Variants in PDZD2 observed in about 807,000 individuals in gnomAD.
The protein encoded by PDZD2 is PDZ domain containing 2, also known as PDZ domain-containing protein 2.
In PDZD2, 90 loss-of-function variants were observed where a neutral mutation model predicts 220.7. The ratio of observed to expected loss-of-function variants is 0.41; its 90% confidence interval spans 0.34 to 0.49. The LOEUF is 0.49. Ranked by LOEUF, PDZD2 falls within the 20% of genes least tolerant of loss-of-function variation. PDZD2 has a pLI of 0.28. For missense variants in PDZD2, 3,174 were observed against 3,608.5 expected (o/e 0.88, Z 3.08); for synonymous variants, 1,375 against 1,450.5 (o/e 0.95, Z 1.18).
At chr5:31,876,810 C>T (rs763409572) in intron 2 of PDZD2, among the ~76,000 whole-genome samples, 4 of 152,110 alleles carry the variant, frequency 2.6e-5, no homozygotes, top group African/African-American at 4.8e-5. Flanking sequence ...ATGTGCCAAG[C>T]GACATAAAGA....
chr5:31,867,567 T>C (rs1474370734), intron 2 of PDZD2, among the ~76,000 whole-genome samples: 1 of 152,208 alleles, frequency 6.6e-6, no homozygotes, highest in South Asian at 2.1e-4. Flanking sequence ...CACGGGTCTA[T>C]ATTTAGTTCA....
At chr5:32,095,962 C>T (rs1042573212) in intron 21 of PDZD2, among the ~76,000 whole-genome samples, 6 of 148,370 alleles carry the variant, frequency 4.0e-5, no homozygotes, top group Non-Finnish European at 8.9e-5. Context: ...CCAGGATGGG[C>T]TCCATCTCCT....
intron 2 of PDZD2, among the ~76,000 whole-genome samples, chr5:31,935,416 G>GA (rs1483185516): frequency 1.5e-4 from 23 of 152,220 alleles, no homozygotes; most frequent in Admixed American, 1.5e-3. Flanking sequence ...TAAAACCTTA[G>GA]AAAAATCATA....
chr5:31,796,292 T>C (rs776277539), intron 1 of PDZD2, among the ~76,000 whole-genome samples: 8 of 152,198 alleles, frequency 5.3e-5, no homozygotes, highest in Non-Finnish European at 8.8e-5. Context: ...TCTTTCTGGT[T>C]AGGGCGAGGG....
In PDZD2 at chr5:32,077,556, C is replaced by A. The variant is rs896057668; in HGVS notation, c.3632C>A (p.Thr1211Lys). ...ALSHLDASHL[T>K]ENLPKAASEL... is the part of the protein sequence containing the mutation. ...TCCCATCTGGATGCCAGCCACCTCA[C>A]AGAGAACCTGCCCAAAGCTGCATCA... Residue 1211 changes from threonine (T) to lysine (K), a missense_variant, in exon 19 of 25, where the codon ACA (threonine) becomes AAA (lysine). Thr to Lys is a moderately conservative substitution (Grantham distance 78). This residue lies in a region of PDZD2 where 1,861 missense variants were observed against 2,001.0 expected (regional missense o/e 0.93). Transcript: ENST00000438447. 1.2e-6 allele frequency: 2 copies of A among 1,614,030 alleles called. No homozygotes were observed. Among genetic ancestry groups the A allele is most frequent in the African/African-American group, 1.3e-5 (1 of 74,928 alleles).
In PDZD2 at chr5:32,002,743, AC is replaced by A. The variant is rs1226856283; in HGVS notation, c.1254+2474del. Reference sequence around the variant, plus strand: ...ACACACCAACACACACACCCCACACACCAACACACACACCCCACACACCACA... The same window carrying A: ...ACACACCAACACACACACCCCACACACAACACACACACCCCACACACCACA... On this transcript the variant is annotated intron_variant, in intron 5 of 24. Transcript: ENST00000438447. Among the ~76,000 whole-genome samples, 212 of 51,974 alleles carry A rather than the reference AC, an allele frequency of 4.1e-3. 3 individuals carry two copies. Among genetic ancestry groups the A allele is most frequent in the African/African-American group, 0.015 (202 of 13,248 alleles). The allele number at this position is 51,974 out of a possible 152,430, so 34.1% of individuals were successfully genotyped here.
At chr5:32,079,258 C>CA (rs35524007) in intron 19 of PDZD2, among the ~76,000 whole-genome samples, 29,475 of 78,476 alleles carry the variant, frequency 0.38, 3,904 homozygotes, top group East Asian at 0.56. Context: ...GACTCTGTCT[C>CA]AAAAAAAAAA....
intron 6 of PDZD2, 147 bp downstream of exon 6, chr5:32,010,629 G>A (rs193194387): frequency 2.1e-4 from 151 of 735,844 alleles, no homozygotes; most frequent in Admixed American, 1.6e-3. Flanking sequence ...TGTTTTTCTC[G>A]GAATCTCTGA....
chr5:31,934,607 T>TAAAAA (rs5867117), intron 2 of PDZD2, among the ~76,000 whole-genome samples: 12 of 118,036 alleles, frequency 1.0e-4, no homozygotes, highest in African/African-American at 3.9e-4. Flanking sequence ...ACCATCTAAT[T>TAAAAA]AAAAAAAAAA....
rs1455195713 is a variant in PDZD2 at position 32,109,119 on chromosome 5, G to T, written c.*984G>T. On this transcript the variant is annotated 3_prime_UTR_variant, in exon 25 of 25. Transcript: ENST00000438447. ...TTTAAACTAAATTTTTAGAAATCAA[G>T]TATCTTTCTAAGTGTCCTTGGATTT... 4 of 152,380 alleles carry T rather than the reference G, an allele frequency of 2.6e-5. No individual in the cohort carries two copies. Among genetic ancestry groups the T allele is most frequent in the Non-Finnish European group, 5.9e-5 (4 of 68,022 alleles). 9.4% of individuals were successfully genotyped at this position (152,380 alleles called of 1,614,324 possible). A position where few individuals can be genotyped will look rare whatever the true frequency, so the allele number is the denominator to read the frequency against.
intron 1 of PDZD2, among the ~76,000 whole-genome samples, chr5:31,716,051 G>A (rs1748425613): frequency 6.6e-6 from 1 of 152,170 alleles, no homozygotes; most frequent in Non-Finnish European, 1.5e-5. Flanking sequence ...TGATCTCACA[G>A]TAGATTAGGG....
chr5:32,024,932 A>G (rs572093110), intron 6 of PDZD2, among the ~76,000 whole-genome samples: 2 of 152,326 alleles, frequency 1.3e-5, no homozygotes, highest in South Asian at 4.1e-4. Context: ...GACAAAAACA[A>G]GTGCTGGGCC....
intron 8 of PDZD2, among the ~76,000 whole-genome samples, chr5:32,050,166 A>G (rs1415045213): frequency 6.6e-6 from 1 of 152,074 alleles, no homozygotes; most frequent in Non-Finnish European, 1.5e-5. Context: ...CCTGACCTCA[A>G]GTGATCCACC....
At chr5:31,787,274 T>C (rs6450864) in intron 1 of PDZD2, among the ~76,000 whole-genome samples, 15,040 of 152,292 alleles carry the variant, frequency 0.099, 804 homozygotes, top group South Asian at 0.18. Flanking sequence ...AATGCCCTCT[T>C]TCCTCAATTA....
chr5:31,893,179 A>G (rs12516203), intron 2 of PDZD2, among the ~76,000 whole-genome samples: 91,599 of 152,078 alleles, frequency 0.6, 28,072 homozygotes, highest in African/African-American at 0.69. Flanking sequence ...CCTTGGCAGA[A>G]TCACATCTTG....
chr5:32,025,023 C>T (rs1754521476), intron 6 of PDZD2, among the ~76,000 whole-genome samples: 1 of 152,224 alleles, frequency 6.6e-6, no homozygotes, highest in African/African-American at 2.4e-5. Flanking sequence ...CTTTTTGCTC[C>T]TTCCTGTGGG....
chr5:31,905,104 G>T (rs1292804524), intron 2 of PDZD2, among the ~76,000 whole-genome samples: 19 of 152,028 alleles, frequency 1.2e-4, no homozygotes, highest in Admixed American at 1.2e-3. Context: ...GAGTAGCTGG[G>T]ATTACAGGCA....
chr5:32,074,198 C>T lies in PDZD2; in HGVS notation c.3092C>T (p.Ser1031Leu), dbSNP rs758169969. ...AAAACACTGGTGAGCAAGGCCATCT[C>T]GGCACCTCTTCTTGGTAGCTCAGTG... ...PRKTLVSKAI[S>L]APLLGSSVDL... The change falls in exon 18 of 25, where the codon TCG (serine) becomes TTG (leucine). Residue 1031 changes from serine to leucine, a missense_variant. Coordinates refer to ENST00000438447, the MANE Select transcript of PDZD2 (RefSeq NM_178140.4). The T allele has an allele frequency of 8.7e-6, 14 of 1,614,044 alleles. 1 individual carries two copies. Among genetic ancestry groups the T allele is most frequent in the Middle Eastern group, 1.6e-4 (1 of 6,084 alleles).
At chr5:31,686,421 A>G (rs895498169) in intron 1 of PDZD2, among the ~76,000 whole-genome samples, 75 of 151,808 alleles carry the variant, frequency 4.9e-4, no homozygotes, top group African/African-American at 1.8e-3. Flanking sequence ...CTGGAGGGCA[A>G]TGGCGTGATC....
Sources: allele counts gnomAD v4.1 joint callset (sites outside exome capture counted in the v4.1 genomes callset), GRCh38; gene constraint gnomAD v4.1.1; regional missense constraint gnomAD v4.1.1; transcripts MANE v1.5; gene names NCBI Gene and HGNC (gene_info 2026-07-23, HGNC 2026-07-21).